PRPF8: variants seen among roughly 807,000 people sequenced by gnomAD.
PRPF8 encodes pre-mRNA-processing-splicing factor 8.
PRPF8 carries 64 observed loss-of-function variants against 285.9 expected under a neutral mutation model. The ratio of observed to expected loss-of-function variants is 0.22; its 90% CI spans 0.18 to 0.28. The LOEUF is 0.28. Ranked by LOEUF, PRPF8 falls within the 10% of genes least tolerant of loss-of-function variation. The pLI, the probability that PRPF8 is intolerant of heterozygous loss-of-function variation, is 1.00. For synonymous variants in PRPF8, 1,325 were observed against 1,118.2 expected (o/e 1.18, Z -3.69); for missense variants, 1,426 against 3,026.7 (o/e 0.47, Z 12.41).
Position 1,674,548 on chromosome 17 carries a change from G to A in PRPF8, c.3193C>T (p.Pro1065Ser). The A allele has an allele frequency of 6.2e-7, 1 of 1,614,138 alleles. No homozygotes were observed. The highest frequency in any genetic ancestry group is 8.5e-7 in the Non-Finnish European group (1 of 1,180,040). The change falls in exon 21 of 43, where the codon CCT (proline) becomes TCT (serine). Residue 1065 changes from proline (P) to serine (S), a missense_variant. By Grantham distance (74) the Pro-to-Ser change is moderately conservative. Around this residue, in one of 34 missense-constraint regions of PRPF8, gnomAD observed 148 missense variants for 196.2 expected, o/e 0.75. Coordinates refer to ENST00000304992, the MANE Select transcript of PRPF8 (RefSeq NM_006445.4). ...LHRASEMAGP[P>S]QMPNDFLSFQ... ...CTGAGAAAGTCATTTGGCATCTGAGGGGGCCCAGCCATCTCACTGGCCCGG... is the reference window on the plus strand; with the variant it reads ...CTGAGAAAGTCATTTGGCATCTGAGAGGGCCCAGCCATCTCACTGGCCCGG...
chr17:1,669,392 A>C (rs1341437590), intron 24 of PRPF8, among the ~76,000 whole-genome samples: 1 of 152,230 alleles, frequency 6.6e-6, no homozygotes, highest in African/African-American at 2.4e-5. Flanking sequence ...GGCGTGAGCC[A>C]CTGTGTCCAG....
chr17:1,664,309 T>C (rs1911836207), intron 24 of PRPF8, among the ~76,000 whole-genome samples: 1 of 152,130 alleles, frequency 6.6e-6, no homozygotes, highest in African/African-American at 2.4e-5. Context: ...CTGGGATTAC[T>C]AGAGATTTCT....
chr17:1,681,567 A>C lies in PRPF8; in HGVS notation c.777T>G (p.Asp259Glu). The change falls in exon 6 of 43, where the codon GAT (aspartate) becomes GAG (glutamate). Residue 259 changes from aspartate to glutamate, a missense_variant. This residue lies in a region of PRPF8 where 157 missense variants were observed against 159.6 expected (regional missense o/e 0.98). Coordinates refer to ENST00000304992, the MANE Select transcript of PRPF8 (RefSeq NM_006445.4). The stretch of plus-strand genomic sequence containing the variant: ...CCTTGGACGTAAAGAAGGCCTTCAA[A>C]TCAAACAGGTAGAAGTAGTTGTCAT... ...LVDDNYFYLF[D>E]LKAFFTSKAL... 6.2e-7 allele frequency: 1 copy of C among 1,614,004 alleles called. No homozygotes were observed. The highest frequency in any genetic ancestry group is 8.5e-7 in the Non-Finnish European group (1 of 1,179,876).
rs1424494893 is a variant in PRPF8, at chr17:1,659,770, A to C, written c.4946+71T>G. ...CAAAGGCAGACAGGACAATTCCTAA[A>C]GTTGCAGGGCTAGAAGAACAGGAAA... On this transcript the variant is annotated intron_variant, in intron 31 of 42. Coordinates refer to ENST00000304992, the MANE Select transcript of PRPF8 (RefSeq NM_006445.4). The surrounding 1 kb of genome is among the most constrained non-coding windows in gnomAD (Gnocchi z 5.1). 6.4e-7 allele frequency: 1 copy of C among 1,566,614 alleles called. No homozygotes were observed. The highest frequency in any genetic ancestry group is 8.8e-7 in the Non-Finnish European group (1 of 1,142,476).
chr17:1,682,133 AC>A lies in PRPF8; in HGVS notation c.429del (p.Gln143HisfsTer8). 1 of 1,613,634 alleles carries A rather than the reference AC, an allele frequency of 6.2e-7. No homozygotes were observed. The highest frequency in any genetic ancestry group is 8.5e-7 in the Non-Finnish European group (1 of 1,179,934). ...CCATATTTCAGCCTTTCTCACCCCC[AC>A]TGGGAGATGTAGACAGGTTCAATGA... is the stretch of plus-strand genomic sequence containing the variant. ...PWVIEPVYIS[Q>X]WGSMWIMMRR... On this transcript the variant is annotated frameshift_variant, in exon 4 of 43. Coordinates refer to ENST00000304992, the MANE Select transcript of PRPF8 (RefSeq NM_006445.4). LOFTEE classifies it high-confidence loss of function.
chr17:1,670,223 C>T (rs1912230215), intron 24 of PRPF8, among the ~76,000 whole-genome samples: 1 of 152,226 alleles, frequency 6.6e-6, no homozygotes, highest in Non-Finnish European at 1.5e-5. Flanking sequence ...AAATCTCCAT[C>T]TGAATGTTCT....
Position 1,675,293 on chromosome 17 carries a change from GCACTCGCCTT to G in PRPF8, c.2909_2918del (p.Glu970AlafsTer18), listed in dbSNP as rs1164735902. 1.2e-6 allele frequency: 2 copies of G among 1,614,164 alleles called. No individual in the cohort carries two copies. The highest frequency in any genetic ancestry group is 1.3e-5 in the African/African-American group (1 of 75,026). On this transcript the variant is annotated frameshift_variant, in exon 20 of 43. Transcript: ENST00000304992. LOFTEE classifies it high-confidence loss of function. This position sits in a 1 kb window ranked among gnomAD's most constrained non-coding sequence, Gnocchi z 6.0. ...CAAAGCGGGATTCCAGCATGACATT[GCACTCGCCTT>G]CACTCGTCTCCCACACGTCCTGCAG...
chr17:1,656,032 T>G (rs551988646), intron 36 of PRPF8, among the ~76,000 whole-genome samples: 64 of 151,542 alleles, frequency 4.2e-4, no homozygotes, highest in African/African-American at 1.6e-3. Context: ...GTGATTCTGG[T>G]GCCTCAGCCT....
chr17:1,672,162 A>C (rs1448644436), intron 24 of PRPF8, among the ~76,000 whole-genome samples: 1 of 152,254 alleles, frequency 6.6e-6, no homozygotes, highest in Non-Finnish European at 1.5e-5. Flanking sequence ...TAACTAAAAA[A>C]CAGAAAACAT....
At chr17:1,671,130 C>G (rs904738549) in intron 24 of PRPF8, among the ~76,000 whole-genome samples, 8 of 152,174 alleles carry the variant, frequency 5.3e-5, no homozygotes, top group Admixed American at 2.0e-4. Flanking sequence ...TGTACACAAG[C>G]TAGTTACATC....
intron 30 of PRPF8, 74 bp downstream of exon 30, chr17:1,660,358 G>C (rs201855682): frequency 6.3e-4 from 1,008 of 1,605,576 alleles, no homozygotes; most frequent in Non-Finnish European, 7.9e-4. Context: ...AGCTGACTCT[G>C]TACAGTACCC....
rs906359108 is a variant in PRPF8, at chr17:1,661,520, A to T, written c.4202+91T>A. 2.5e-6 allele frequency: 4 copies of T among 1,609,042 alleles called. No homozygotes were observed. Among genetic ancestry groups the T allele is most frequent in the Admixed American group, 3.3e-5 (2 of 59,848 alleles). On this transcript the variant is annotated intron_variant, in intron 26 of 42. Coordinates refer to ENST00000304992, the MANE Select transcript of PRPF8 (RefSeq NM_006445.4). The surrounding 1 kb of genome is among the most constrained non-coding windows in gnomAD (Gnocchi z 7.3). ...AGAACCAGCCTTCTCACCTCCATACAACCATGGCATGCTCTGACCCTGAAC... is the reference window on the plus strand; with the variant it reads ...AGAACCAGCCTTCTCACCTCCATACTACCATGGCATGCTCTGACCCTGAAC...
At position 1,683,699 on chromosome 17, in the gene PRPF8, G is replaced by T. The variant is rs144810783; in HGVS notation, c.103C>A (p.Arg35=). ...TTGGCCTGCAATTGCTGCCATTTTC[G>T]AGCTGGAAAGGCACCTCAGTTTAAA... ...MSEEKLQEKA[R]KWQQLQAKRY... The change falls in exon 3 of 43, where the codon CGA becomes AGA. Residue 35 remains arginine, a splice_region_variant and synonymous_variant. Coordinates refer to ENST00000304992, the MANE Select transcript of PRPF8 (RefSeq NM_006445.4). The T allele has an allele frequency of 1.1e-5, 17 of 1,613,566 alleles. No individual in the cohort carries two copies. The African/African-American group carries it at 1.3e-4, about 13-fold the overall frequency.
At chr17:1,660,366 C>T in intron 30 of PRPF8, 66 bp downstream of exon 30, 1 of 1,609,264 alleles carries the variant, frequency 6.2e-7, no homozygotes, top group Non-Finnish European at 8.5e-7. Flanking sequence ...CTGTACAGTA[C>T]CCTCTCCCCT....
chr17:1,674,778 T>A, intron 20 of PRPF8, 98 bp from the exon 21 acceptor site: 1 of 1,300,564 alleles, frequency 7.7e-7, no homozygotes, highest in Non-Finnish European at 1.1e-6. Flanking sequence ...ATTCTACTTT[T>A]TTCCACTCCC....
intron 3 of PRPF8, 113 bp downstream of exon 3, chr17:1,683,420 C>A: frequency 8.1e-7 from 1 of 1,242,172 alleles, no homozygotes; most frequent in East Asian, 2.3e-5. Flanking sequence ...TGGTTTTCTC[C>A]TTTCTCTTAT....
chr17:1,651,041 T>A lies in PRPF8; in HGVS notation c.6853+67A>T, dbSNP rs1911021878. The A allele has an allele frequency of 3.7e-6, 6 of 1,613,796 alleles. No individual in the cohort carries two copies. In the Admixed American group the frequency reaches 1.0e-4, roughly 27 times the overall value. On this transcript the variant is annotated intron_variant, in intron 42 of 42. Transcript: ENST00000304992. This position sits in a 1 kb window ranked among gnomAD's most constrained non-coding sequence, Gnocchi z 5.1. ...ACCTCCAAGCCAGCCAGGCCCCAAG[T>A]GCAAAGGGCGATGGCCTCACCTTAT...
At position 1,661,649 on chromosome 17, in the gene PRPF8, C is replaced by T; in HGVS notation, c.4164G>A (p.Glu1388=). ...EFIDSQRVWA[E]YALKRQEAIA... is the part of the protein sequence containing the mutation. ...TGGCCTCTTGCCTCTTGAGTGCGTACTCAGCCCAGACCCGCTGAGAATCAA... is the reference window on the plus strand; with the variant it reads ...TGGCCTCTTGCCTCTTGAGTGCGTATTCAGCCCAGACCCGCTGAGAATCAA... Residue 1388 remains glutamate (E), a synonymous_variant, in exon 26 of 43, where the codon GAG becomes GAA. Coordinates refer to ENST00000304992, the MANE Select transcript of PRPF8 (RefSeq NM_006445.4). This position sits in a 1 kb window ranked among gnomAD's most constrained non-coding sequence, Gnocchi z 7.3. 1 of 1,613,894 alleles carries T rather than the reference C, an allele frequency of 6.2e-7. No homozygotes were observed. The highest frequency in any genetic ancestry group is 1.1e-5 in the South Asian group (1 of 91,058).
intron 6 of PRPF8, 132 bp downstream of exon 6, chr17:1,681,346 G>A (rs1912911861): frequency 1.3e-5 from 15 of 1,124,624 alleles, no homozygotes; most frequent in Non-Finnish European, 1.7e-5. Flanking sequence ...TTCCCAAAGT[G>A]CTGAGATTAC....
Sources: gnomAD v4.1 joint callset for allele counts (sites outside exome capture counted in the v4.1 genomes callset) on GRCh38, gnomAD v4.1.1 for gene constraint, gnomAD v4.1.1 regional missense constraint, Gnocchi (gnomAD v3.1) non-coding constraint, MANE v1.5 for transcripts, NCBI Gene and HGNC (gene_info 2026-07-23, HGNC 2026-07-21) for gene names.